The following UBOX5 variants were observed in gnomAD, a reference collection of about 807,000 sequenced individuals.
UBOX5 encodes the protein U-box domain containing 5, also known as RING finger protein 37.
A neutral mutation model predicts 39.0 loss-of-function variants in UBOX5; 28 were observed. The ratio of observed to expected loss-of-function variants is 0.72; its 90% CI spans 0.53 to 0.98. UBOX5 has a LOEUF of 0.98. Among genes scored for constraint, UBOX5 ranks in the 50% least tolerant of loss-of-function variants. The pLI is 0.00. For missense variants in UBOX5, 585 were observed against 674.4 expected (o/e 0.87, Z 1.47); for synonymous variants, 283 against 275.5 (o/e 1.03, Z -0.27).
intron 1 of UBOX5, among the ~76,000 whole-genome samples, chr20:3,141,887 C>A (rs1329434440): frequency 6.6e-6 from 1 of 152,070 alleles, no homozygotes; most frequent in Non-Finnish European, 1.5e-5. Context: ...AGTGTGCCCA[C>A]AGGTGGTCCC....
intron 3 of UBOX5, among the ~76,000 whole-genome samples, chr20:3,119,832 T>G (rs2066320593): frequency 6.6e-6 from 1 of 150,678 alleles, no homozygotes; most frequent in Non-Finnish European, 1.5e-5. Context: ...CCAGCCTGGG[T>G]AACAGAGTGA....
chr20:3,157,994 C>T (rs549909732), intron 1 of UBOX5, among the ~76,000 whole-genome samples: 3 of 152,194 alleles, frequency 2.0e-5, no homozygotes, highest in African/African-American at 7.2e-5. Flanking sequence ...CACTGCCCCC[C>T]ACCTCTCACC....
At chr20:3,126,627 G>A (rs2066391307) in intron 1 of UBOX5, among the ~76,000 whole-genome samples, 1 of 149,626 alleles carries the variant, frequency 6.7e-6, no homozygotes, top group Non-Finnish European at 1.5e-5. Context: ...GGGAGGGAGT[G>A]AAGGAGGAAG....
At chr20:3,147,789 T>C in intron 1 of UBOX5, 1 of 1,614,216 alleles carries the variant, frequency 6.2e-7, no homozygotes, top group Non-Finnish European at 8.5e-7. Context: ...GCAACATCTT[T>C]ACTTCGACAG....
intron 4 of UBOX5, among the ~76,000 whole-genome samples, chr20:3,113,507 T>C (rs2066270389): frequency 6.6e-6 from 1 of 151,994 alleles, no homozygotes; most frequent in Non-Finnish European, 1.5e-5. Flanking sequence ...ATGAGTATGA[T>C]GAGCCACAGT....
chr20:3,139,370 CTTTATT>C (rs2066497187), intron 1 of UBOX5, among the ~76,000 whole-genome samples: 1 of 151,426 alleles, frequency 6.6e-6, no homozygotes, highest in African/African-American at 2.4e-5. Flanking sequence ...AGTTTTTCCT[CTTTATT>C]TTTAATTTTT....
intron 1 of UBOX5, among the ~76,000 whole-genome samples, chr20:3,124,010 G>T (rs2066358154): frequency 6.6e-6 from 1 of 151,886 alleles, no homozygotes. Flanking sequence ...AAACATAGCT[G>T]GTCTTGTTGT....
intron 3 of UBOX5, among the ~76,000 whole-genome samples, chr20:3,116,990 G>C (rs1210623916): frequency 1.3e-5 from 2 of 151,990 alleles, no homozygotes; most frequent in African/African-American, 4.8e-5. Context: ...CAGCTACTCG[G>C]GAAGCTGAGG....
At chr20:3,120,563 G>A (rs2066327174) in intron 3 of UBOX5, among the ~76,000 whole-genome samples, 1 of 148,468 alleles carries the variant, frequency 6.7e-6, no homozygotes, top group South Asian at 2.1e-4. Context: ...GGAGAATGGT[G>A]TGAACCCGGA....
At chr20:3,152,956 T>C (rs115552133) in intron 1 of UBOX5, among the ~76,000 whole-genome samples, 1 of 151,928 alleles carries the variant, frequency 6.6e-6, no homozygotes, top group African/African-American at 2.4e-5. Flanking sequence ...TCCCATTTTT[T>C]AAATAAAATA....
intron 4 of UBOX5, among the ~76,000 whole-genome samples, chr20:3,112,292 T>G (rs1318012438): frequency 6.6e-6 from 1 of 152,018 alleles, no homozygotes; most frequent in Non-Finnish European, 1.5e-5. Context: ...GAGAATTTAT[T>G]TTCCATCAGT....
At chr20:3,159,288 AG>A (rs1445781969) in intron 1 of UBOX5, among the ~76,000 whole-genome samples, 1 of 152,222 alleles carries the variant, frequency 6.6e-6, no homozygotes, top group Non-Finnish European at 1.5e-5. Flanking sequence ...AACATACTGT[AG>A]GGCCTTGCTA....
chr20:3,117,210 C>T (rs994771351), intron 3 of UBOX5, among the ~76,000 whole-genome samples: 1 of 151,552 alleles, frequency 6.6e-6, no homozygotes, highest in Admixed American at 6.6e-5. Context: ...TTCAATTGTT[C>T]CACAGCACAG....
rs1568468695 is a variant in UBOX5 at position 3,115,471 on chromosome 20, CGA to C, written c.1256-7_1256-6del. 4.3e-6 allele frequency: 7 copies of C among 1,610,440 alleles called. No individual in the cohort carries two copies. The highest frequency in any genetic ancestry group is 5.9e-6 in the Non-Finnish European group (7 of 1,178,144). ...TCTGCTCGTGGGACAGTGGACCTGT[CGA>C]GAGATGCGCACAGCACAACATCCAG... On this transcript the variant is annotated splice_region_variant and splice_polypyrimidine_tract_variant and intron_variant, in intron 3 of 4. Coordinates refer to ENST00000217173, the MANE Select transcript of UBOX5 (RefSeq NM_014948.4).
chr20:3,129,965 CACGCCTGTGA>C (rs1320491952), intron 1 of UBOX5, among the ~76,000 whole-genome samples: 38 of 152,300 alleles, frequency 2.5e-4, no homozygotes, highest in Admixed American at 7.9e-4. Flanking sequence ...CATAGGGGCT[CACGCCTGTGA>C]TCCCAGTACT....
At chr20:3,153,333 G>A (rs1239560545) in intron 1 of UBOX5, among the ~76,000 whole-genome samples, 1 of 152,356 alleles carries the variant, frequency 6.6e-6, no homozygotes, top group East Asian at 1.9e-4. Flanking sequence ...AATAACCAGA[G>A]CTATGCCTTA....
chr20:3,130,462 G>C (rs1181313583), intron 1 of UBOX5, among the ~76,000 whole-genome samples: 1 of 151,416 alleles, frequency 6.6e-6, no homozygotes, highest in Non-Finnish European at 1.5e-5. Flanking sequence ...CCTCCTGCCT[G>C]AGTGCCCCAA....
intron 1 of UBOX5, chr20:3,148,039 A>G: frequency 3.1e-6 from 5 of 1,614,210 alleles, no homozygotes; most frequent in Non-Finnish European, 4.2e-6. Context: ...TGTTAGCACA[A>G]GCCAAGTCTC....
At chr20:3,153,681 C>A (rs2066655418) in intron 1 of UBOX5, among the ~76,000 whole-genome samples, 1 of 152,178 alleles carries the variant, frequency 6.6e-6, no homozygotes, top group South Asian at 2.1e-4. Flanking sequence ...AGGGTTAGAA[C>A]TAGGTAAGCT....
Sources: allele counts gnomAD v4.1 joint callset (sites outside exome capture counted in the v4.1 genomes callset), GRCh38; gene constraint gnomAD v4.1.1; transcripts MANE v1.5; gene names NCBI Gene and HGNC (gene_info 2026-07-23, HGNC 2026-07-21).